USP48: variants seen among roughly 807,000 people sequenced by gnomAD.
The protein encoded by USP48 is ubiquitin carboxyl-terminal hydrolase 48.
Under a neutral mutation model 150.7 loss-of-function variants are expected in USP48, and 43 were observed. That is an observed-to-expected ratio of 0.29 (90% CI 0.22 to 0.37). The LOEUF (loss-of-function observed/expected upper bound fraction) is 0.37, where lower values mean the gene tolerates loss of function less well. Ranked by LOEUF, USP48 falls within the 10% of genes least tolerant of loss-of-function variation. The pLI is 1.00. For synonymous variants in USP48, 396 were observed against 425.9 expected, an observed-to-expected ratio of 0.93 and a Z score of 0.86; for missense variants, 813 against 1,249.6, an observed-to-expected ratio of 0.65 and a Z score of 5.27.
intron 23 of USP48, 75 bp from the exon 24 acceptor site, chr1:21,690,174 G>C: frequency 1.5e-6 from 2 of 1,313,066 alleles, no homozygotes; most frequent in South Asian, 1.9e-5. Context: ...AATAAATTAT[G>C]CATGGATTCT....
chr1:21,688,612 C>T (rs181966438), intron 24 of USP48, among the ~76,000 whole-genome samples: 207 of 151,254 alleles, frequency 1.4e-3, no homozygotes, highest in South Asian at 0.013. Context: ...GGAGGTGAGG[C>T]GGGCAGATCA....
intron 1 of USP48, among the ~76,000 whole-genome samples, chr1:21,780,469 T>C (rs2097911553): frequency 6.6e-6 from 1 of 152,146 alleles, no homozygotes; most frequent in Admixed American, 6.6e-5. Context: ...AACCAGACAG[T>C]GGTGATGGTT....
chr1:21,782,697 T>G (rs1357588077), intron 1 of USP48, 127 bp downstream of exon 1: 1 of 1,359,098 alleles, frequency 7.4e-7, no homozygotes, highest in Admixed American at 3.2e-5. Context: ...AGGGGGAAAC[T>G]CCACCTCGCT....
intron 15 of USP48, among the ~76,000 whole-genome samples, chr1:21,714,451 C>T (rs572781938): frequency 3.3e-5 from 5 of 152,040 alleles, no homozygotes; most frequent in African/African-American, 1.2e-4. Context: ...TTTTTAGAGA[C>T]AGGGTCTTGC....
chr1:21,757,458 C>T (rs897712212), intron 2 of USP48: 1 of 420,386 alleles, frequency 2.4e-6, no homozygotes, highest in African/African-American at 2.0e-5. Context: ...TAAAGGCTTA[C>T]TGAATTACGC....
At chr1:21,713,803 A>G (rs1210426659) in intron 15 of USP48, among the ~76,000 whole-genome samples, 1 of 152,172 alleles carries the variant, frequency 6.6e-6, no homozygotes, top group African/African-American at 2.4e-5. Context: ...AGGTCAACTC[A>G]TCTTCTCCTG....
intron 8 of USP48, among the ~76,000 whole-genome samples, chr1:21,740,230 C>A (rs1373587968): frequency 6.6e-6 from 1 of 152,138 alleles, no homozygotes; most frequent in Non-Finnish European, 1.5e-5. Context: ...TCTTTCTGAG[C>A]CCGGCTTGTT....
chr1:21,680,058 T>C (rs1259869411), intron 26 of USP48, among the ~76,000 whole-genome samples: 1 of 152,190 alleles, frequency 6.6e-6, no homozygotes, highest in Non-Finnish European at 1.5e-5. Context: ...CCCTTTGTAA[T>C]GGTAGCATGC....
At chr1:21,758,717 T>C (rs2097842902) in intron 1 of USP48, among the ~76,000 whole-genome samples, 1 of 151,646 alleles carries the variant, frequency 6.6e-6, no homozygotes, top group Non-Finnish European at 1.5e-5. Flanking sequence ...ACCACTGCAC[T>C]CTGGCCTGGG....
chr1:21,767,146 C>T (rs935372829), intron 1 of USP48, among the ~76,000 whole-genome samples: 1 of 152,172 alleles, frequency 6.6e-6, no homozygotes, highest in Non-Finnish European at 1.5e-5. Flanking sequence ...TACTCCCAGG[C>T]TCAGGTGATC....
chr1:21,782,256 C>T (rs770093431), intron 1 of USP48, among the ~76,000 whole-genome samples: 2 of 152,080 alleles, frequency 1.3e-5, no homozygotes, highest in South Asian at 2.1e-4. Context: ...ACTATCACAG[C>T]TTAAACTTGG....
chr1:21,702,378 T>G (rs1455339753), intron 21 of USP48, among the ~76,000 whole-genome samples: 1 of 151,820 alleles, frequency 6.6e-6, no homozygotes, highest in African/African-American at 2.4e-5. Flanking sequence ...TGGGTCAGGA[T>G]CTACCCAAGA....
chr1:21,707,316 T>C (rs2097675476), intron 15 of USP48, among the ~76,000 whole-genome samples: 1 of 152,212 alleles, frequency 6.6e-6, no homozygotes, highest in African/African-American at 2.4e-5. Context: ...ATTTGACTAA[T>C]CTTGAAATCA....
chr1:21,755,344 T>A (rs1036819330), intron 3 of USP48, among the ~76,000 whole-genome samples: 1 of 152,080 alleles, frequency 6.6e-6, no homozygotes, highest in African/African-American at 2.4e-5. Context: ...GTGGATCGAT[T>A]GAACCCAGGA....
At chr1:21,758,654 G>A (rs539597105) in intron 1 of USP48, among the ~76,000 whole-genome samples, 2 of 152,132 alleles carry the variant, frequency 1.3e-5, no homozygotes, top group African/African-American at 4.8e-5. Context: ...GGAGGTTGTG[G>A]CAGAAGAATC....
chr1:21,706,584 T>C lies in USP48; in HGVS notation c.2094A>G (p.Leu698=). Residue 698 remains leucine (L), a synonymous_variant, in exon 17 of 27, where the codon TTA becomes TTG. Transcript: ENST00000308271. ...YKECCSQCKI[L]EREGEENEAL... ...CTTCATTTTCTTCCCCTTCTCTTTC[T>C]AAAATCTGAAAGAGAATGAAGCAAT... 2 of 1,614,174 alleles carry C rather than the reference T, an allele frequency of 1.2e-6. No homozygotes were observed. The highest frequency in any genetic ancestry group is 2.2e-5 in the South Asian group (2 of 91,086).
intron 15 of USP48, 83 bp downstream of exon 15, chr1:21,715,306 A>G: frequency 1.9e-6 from 2 of 1,058,978 alleles, no homozygotes; most frequent in South Asian, 3.0e-5. Flanking sequence ...GATGTGAGAG[A>G]TACTGGCATG....
chr1:21,765,612 G>A (rs1175502108), intron 1 of USP48, among the ~76,000 whole-genome samples: 6 of 25,322 alleles, frequency 2.4e-4, no homozygotes, highest in Non-Finnish European at 5.1e-4. Context: ...GCGAGACTCT[G>A]TCAAAAAAAA....
chr1:21,753,937 C>G (rs925511968), intron 3 of USP48, among the ~76,000 whole-genome samples: 1 of 148,914 alleles, frequency 6.7e-6, no homozygotes, highest in Non-Finnish European at 1.5e-5. Flanking sequence ...CCATGGCTGG[C>G]GGATCACAAG....
Sources: gnomAD v4.1 joint callset for allele counts (sites outside exome capture counted in the v4.1 genomes callset) on GRCh38, gnomAD v4.1.1 for gene constraint, MANE v1.5 for transcripts, NCBI Gene and HGNC (gene_info 2026-07-23, HGNC 2026-07-21) for gene names.